TRIT1: variants seen among roughly 807,000 people sequenced by gnomAD.
TRIT1 encodes tRNA isopentenyltransferase 1.
TRIT1 carries 43 observed loss-of-function variants against 51.2 expected under a neutral mutation model. That is an observed-to-expected ratio of 0.84 (90% CI 0.66 to 1.08). The LOEUF (loss-of-function observed/expected upper bound fraction) is 1.08, where lower values mean the gene tolerates loss of function less well. Among genes scored for constraint, TRIT1 ranks in the 50% least tolerant of loss-of-function variants. TRIT1 has a pLI of 0.00. For synonymous variants in TRIT1, 184 were observed against 203.9 expected (o/e 0.90, Z 0.83); for missense variants, 528 against 578.4 (o/e 0.91, Z 0.89).
chr1:39,857,617 T>C (rs1027756525), intron 1 of TRIT1, among the ~76,000 whole-genome samples, 200 bp from the exon 2 acceptor site: 1 of 152,190 alleles, frequency 6.6e-6, no homozygotes, highest in African/African-American at 2.4e-5. Context: ...CAGCATTGGT[T>C]TTCTTATCAA....
rs1418149887 is a variant in TRIT1, at chr1:39,840,226, A to C, written c.*1518T>G. On this transcript the variant is annotated 3_prime_UTR_variant, in exon 11 of 11. Coordinates refer to ENST00000316891, the MANE Select transcript of TRIT1 (RefSeq NM_017646.6). ...TTGTTAGGTCCTAAAGTAGTTAATA[A>C]ACTTCTTTGCCCAGAGAATAAATTT... Among the ~76,000 whole-genome samples, 2 of 152,302 alleles carry C rather than the reference A, an allele frequency of 1.3e-5. No individual in the cohort carries two copies. Among genetic ancestry groups the C allele is most frequent in the Non-Finnish European group, 2.9e-5 (2 of 68,026 alleles).
intron 1 of TRIT1, among the ~76,000 whole-genome samples, chr1:39,873,961 G>A (rs1643962851): frequency 6.6e-6 from 1 of 150,378 alleles, no homozygotes; most frequent in African/African-American, 2.5e-5. Flanking sequence ...GCTGCAGTGA[G>A]CCGAGATCAC....
chr1:39,852,974 A>C, intron 3 of TRIT1, 98 bp from the exon 4 acceptor site: 1 of 1,349,602 alleles, frequency 7.4e-7, no homozygotes, highest in South Asian at 1.4e-5. Context: ...CAGAATAATC[A>C]GAAGATCTTG....
chr1:39,874,430 C>A (rs1261237237), intron 1 of TRIT1, among the ~76,000 whole-genome samples: 1 of 152,068 alleles, frequency 6.6e-6, no homozygotes, highest in Non-Finnish European at 1.5e-5. Context: ...TAGCTATATA[C>A]ATTAACATAT....
intron 1 of TRIT1, among the ~76,000 whole-genome samples, chr1:39,875,853 T>C (rs1426770310): frequency 6.6e-6 from 1 of 152,110 alleles, no homozygotes; most frequent in Non-Finnish European, 1.5e-5. Flanking sequence ...AATAAAGTAA[T>C]TTTTGGTAGG....
In TRIT1 at chr1:39,857,258, C is replaced by T. The variant is rs1217212469; in HGVS notation, c.315+19G>A. ...TGCTTTCACCCACCAAACCCAGCTG[C>T]TGCCTTTCCTAAGGATATCAGAGCA... On this transcript the variant is annotated intron_variant, in intron 2 of 10. Coordinates refer to ENST00000316891, the MANE Select transcript of TRIT1 (RefSeq NM_017646.6). The T allele has an allele frequency of 6.3e-7, 1 of 1,590,856 alleles. No homozygotes were observed. Among genetic ancestry groups the T allele is most frequent in the Non-Finnish European group, 8.6e-7 (1 of 1,166,176 alleles).
intron 4 of TRIT1, among the ~76,000 whole-genome samples, chr1:39,852,124 T>A (rs749145147): frequency 2.0e-5 from 3 of 152,134 alleles, no homozygotes; most frequent in Non-Finnish European, 2.9e-5. Flanking sequence ...TGTATAACCA[T>A]CAATAGAACA....
intron 1 of TRIT1, among the ~76,000 whole-genome samples, chr1:39,863,826 A>T (rs568156487): frequency 8.5e-5 from 13 of 152,256 alleles, no homozygotes; most frequent in African/African-American, 2.4e-4. Context: ...AACAAAAAAC[A>T]AAAAAAGAAA....
At chr1:39,873,421 C>T (rs1172918287) in intron 1 of TRIT1, among the ~76,000 whole-genome samples, 1 of 152,064 alleles carries the variant, frequency 6.6e-6, no homozygotes, top group Non-Finnish European at 1.5e-5. Context: ...TGACCAGTAC[C>T]CTTCAAAAGT....
chr1:39,844,287 A>G (rs1389942608), intron 9 of TRIT1, 69 bp from the exon 10 acceptor site: 3 of 1,342,470 alleles, frequency 2.2e-6, no homozygotes, highest in East Asian at 4.6e-5. Flanking sequence ...TATTAAGGGA[A>G]ATGGGATTTT....
intron 8 of TRIT1, 27 bp downstream of exon 8, chr1:39,847,193 T>C (rs759578295): frequency 3.6e-5 from 57 of 1,598,844 alleles, no homozygotes; most frequent in Admixed American, 5.0e-5. Context: ...AACAGACCCA[T>C]AGGATAAAGA....
chr1:39,872,614 G>C (rs1002072438), intron 1 of TRIT1, among the ~76,000 whole-genome samples: 1 of 152,082 alleles, frequency 6.6e-6, no homozygotes, highest in Non-Finnish European at 1.5e-5. Context: ...ATAAACCCAT[G>C]CTTATTTTAA....
chr1:39,862,441 G>A (rs934787891), intron 1 of TRIT1, among the ~76,000 whole-genome samples: 7 of 152,060 alleles, frequency 4.6e-5, no homozygotes, highest in South Asian at 4.1e-4. Flanking sequence ...GTGATATTCC[G>A]TTTCTTGAAT....
At chr1:39,844,424 T>C in intron 9 of TRIT1, 107 bp downstream of exon 9, 1 of 980,714 alleles carries the variant, frequency 1.0e-6, no homozygotes, top group Non-Finnish European at 1.6e-6. Flanking sequence ...CCTTCTGCTT[T>C]ATTCTATGGA....
At chr1:39,859,260 CAAAAAAAAAAAAAAAAAAAAAAA>C (rs3033562) in intron 1 of TRIT1, among the ~76,000 whole-genome samples, 1,541 of 19,048 alleles carry the variant, frequency 0.081, 124 homozygotes, top group East Asian at 0.37. Flanking sequence ...GACTCCGTCT[CAAAAAAAAAAAAAAAAAAAAAAA>C]AAAAAAAAAA....
chr1:39,844,319 C>T (rs1311015510), intron 9 of TRIT1, 101 bp from the exon 10 acceptor site: 3 of 1,077,362 alleles, frequency 2.8e-6, no homozygotes, highest in Non-Finnish European at 4.2e-6. Context: ...TTTTTCTCAA[C>T]CCAGAGAGCA....
In TRIT1 at chr1:39,841,494, G is replaced by GAA. The variant is rs3215539; in HGVS notation, c.*248_*249dup. The GAA allele has an allele frequency of 2.7e-4, 87 of 324,282 alleles. No individual in the cohort carries two copies. The East Asian group carries it at 3.0e-3, about 11-fold the overall frequency. 20.1% of individuals were successfully genotyped at this position (324,282 alleles called of 1,614,324 possible). On this transcript the variant is annotated 3_prime_UTR_variant, in exon 11 of 11. Coordinates refer to ENST00000316891, the MANE Select transcript of TRIT1 (RefSeq NM_017646.6). ...AATAATAGAACCTTTAAGGTTCAAA[G>GAA]AAAAAAAAAATGCTTTCCTGAACTA... is the stretch of plus-strand genomic sequence containing the variant.
intron 3 of TRIT1, among the ~76,000 whole-genome samples, chr1:39,853,285 T>C (rs1642691925): frequency 1.3e-5 from 2 of 152,220 alleles, no homozygotes; most frequent in Admixed American, 6.5e-5. Context: ...ATCTCCCTAA[T>C]ATACATACTG....
At chr1:39,882,400 C>T (rs913573014) in intron 1 of TRIT1, among the ~76,000 whole-genome samples, 1 of 152,192 alleles carries the variant, frequency 6.6e-6, no homozygotes, top group Admixed American at 6.5e-5. Context: ...TCATGTTCAA[C>T]ATCTCATTTA....
Sources: gnomAD v4.1 joint callset for allele counts (sites outside exome capture counted in the v4.1 genomes callset) on GRCh38, gnomAD v4.1.1 for gene constraint, MANE v1.5 for transcripts, NCBI Gene and HGNC (gene_info 2026-07-23, HGNC 2026-07-21) for gene names.